Variants in RFX4 observed in about 807,000 individuals in gnomAD.
The protein encoded by RFX4 is transcription factor RFX4.
RFX4 carries 10 observed loss-of-function variants against 95.0 expected under a neutral mutation model. The observed-to-expected ratio is 0.11, with a 90% CI of 0.06 to 0.18. The LOEUF is 0.18. Ranked by LOEUF, RFX4 falls within the 10% of genes least tolerant of loss-of-function variation. The pLI, the probability that RFX4 is intolerant of heterozygous loss-of-function variation, is 1.00. For missense variants in RFX4, 640 were observed against 922.0 expected, an observed-to-expected ratio of 0.69 and a Z score of 3.96; for synonymous variants, 321 against 340.7, an observed-to-expected ratio of 0.94 and a Z score of 0.64.
At chr12:106,733,902 G>A (rs1343184379) in intron 15 of RFX4, among the ~76,000 whole-genome samples, 2 of 152,178 alleles carry the variant, frequency 1.3e-5, no homozygotes, top group African/African-American at 4.8e-5. Flanking sequence ...TCTCACAATA[G>A]CCAAAAGGCA....
intron 13 of RFX4, among the ~76,000 whole-genome samples, chr12:106,731,406 G>A (rs2042609428): frequency 6.6e-6 from 1 of 152,170 alleles, no homozygotes; most frequent in South Asian, 2.1e-4. Flanking sequence ...TTAAATTAGA[G>A]AAGATAAGAC....
chr12:106,743,174 T>C (rs1234118584), intron 15 of RFX4, among the ~76,000 whole-genome samples: 2 of 151,690 alleles, frequency 1.3e-5, no homozygotes, highest in African/African-American at 4.8e-5. Flanking sequence ...AATAGAAATG[T>C]GAGGAGGGGA....
At chr12:106,585,327 C>T (rs544321120) in intron 1 of RFX4, among the ~76,000 whole-genome samples, 36 of 152,338 alleles carry the variant, frequency 2.4e-4, no homozygotes, top group African/African-American at 7.0e-4. Context: ...CTCTTCACCT[C>T]AACTGCAAAC....
intron 17 of RFX4, among the ~76,000 whole-genome samples, chr12:106,760,517 C>T (rs1006813418): frequency 2.0e-5 from 3 of 152,194 alleles, no homozygotes; most frequent in African/African-American, 7.2e-5. Context: ...TTGACTCCTT[C>T]CTCCACATTC....
At chr12:106,702,179 GTTGA>G (rs1332097271) in intron 8 of RFX4, among the ~76,000 whole-genome samples, 1 of 152,074 alleles carries the variant, frequency 6.6e-6, no homozygotes, top group Non-Finnish European at 1.5e-5. Flanking sequence ...GTCTGGTTAT[GTTGA>G]TTGTTTTGTT....
At chr12:106,746,355 CAAAAA>C (rs531874659) in intron 15 of RFX4, among the ~76,000 whole-genome samples, 1 of 67,282 alleles carries the variant, frequency 1.5e-5, no homozygotes. Flanking sequence ...GACTCCATCT[CAAAAA>C]AAAAAAAAAA....
intron 15 of RFX4, among the ~76,000 whole-genome samples, chr12:106,736,653 T>C (rs921804486): frequency 1.3e-5 from 2 of 152,136 alleles, no homozygotes; most frequent in Admixed American, 6.5e-5. Context: ...GAATAGCATG[T>C]ACCCAGGCAG....
intron 3 of RFX4, chr12:106,646,085 G>A: frequency 5.7e-6 from 3 of 524,762 alleles, no homozygotes; most frequent in South Asian, 3.5e-5. Context: ...GGGCAATTTT[G>A]CAATCCATTA....
chr12:106,615,084 T>TTATCTATC (rs1405854337), intron 2 of RFX4, among the ~76,000 whole-genome samples: 1 of 152,186 alleles, frequency 6.6e-6, no homozygotes, highest in African/African-American at 2.4e-5. Flanking sequence ...GAAGGTCTTT[T>TTATCTATC]TAACATATCA....
intron 15 of RFX4, 185 bp downstream of exon 15, chr12:106,733,270 G>C: frequency 1.7e-6 from 1 of 592,618 alleles, no homozygotes; most frequent in Non-Finnish European, 3.0e-6. Context: ...CAGGAGCTAC[G>C]ATCGCACCAC....
chr12:106,682,324 G>A (rs2041531443), intron 5 of RFX4: 1 of 502,494 alleles, frequency 2.0e-6, no homozygotes, highest in Non-Finnish European at 3.6e-6. Context: ...TTGTAAAATA[G>A]TCTTGGGCAT....
At position 106,743,822 on chromosome 12, in the gene RFX4, C is replaced by T. The variant is rs188897939; in HGVS notation, c.1634-3615C>T. Among the ~76,000 whole-genome samples, 35 of 152,290 alleles carry T rather than the reference C, an allele frequency of 2.3e-4. 1 individual carries two copies. The East Asian group carries it at 6.0e-3, about 26-fold the overall frequency. On this transcript the variant is annotated intron_variant, in intron 15 of 17. Transcript: ENST00000392842. ...GCCCCGTTTCAATATCCATTGACCT[C>T]GCTGTGCTCGCCTGAGGTCCCAGAG...
intron 15 of RFX4, among the ~76,000 whole-genome samples, chr12:106,740,603 G>A (rs1033110105): frequency 5.3e-5 from 8 of 151,864 alleles, no homozygotes; most frequent in South Asian, 4.2e-4. Flanking sequence ...TATATATTTC[G>A]TGTCTAATTT....
At chr12:106,660,061 C>T (rs2041041417) in intron 4 of RFX4, among the ~76,000 whole-genome samples, 1 of 151,962 alleles carries the variant, frequency 6.6e-6, no homozygotes. Context: ...GTACTGTGAA[C>T]TCTGGGGTAC....
rs529272957 is a variant in RFX4 at position 106,713,979 on chromosome 12, A to T, written c.994-1421A>T. On this transcript the variant is annotated intron_variant, in intron 10 of 17. Coordinates refer to ENST00000392842, the MANE Select transcript of RFX4 (RefSeq NM_213594.3). The stretch of plus-strand genomic sequence containing the variant: ...CAGCTACTAGGGAGGCTGAGGCAGG[A>T]GAATCACTTGAACCCGGGAGGCAGA... 6.7e-5 allele frequency among the ~76,000 whole-genome samples: 10 copies of T among 149,810 alleles called. No homozygotes were observed. In the Admixed American group the frequency reaches 6.7e-4, roughly 10 times the overall value.
At chr12:106,692,067 G>T (rs1330718741) in intron 7 of RFX4, among the ~76,000 whole-genome samples, 2 of 151,240 alleles carry the variant, frequency 1.3e-5, no homozygotes, top group Non-Finnish European at 2.9e-5. Flanking sequence ...CGAGGCAGGA[G>T]AATCGCTTGA....
Position 106,690,298 on chromosome 12 carries a change from A to G in RFX4, c.669+934A>G, listed in dbSNP as rs114925975. 9.7e-3 allele frequency among the ~76,000 whole-genome samples: 1,484 copies of G among 152,294 alleles called. 8 individuals carry two copies. The highest frequency in any genetic ancestry group is 0.014 in the African/African-American group (588 of 41,546). ...TTCCTTCTCTTGACTTTTATCCACT[A>G]GACTTCTAAAATGTACTTTAAAATG... On this transcript the variant is annotated intron_variant, in intron 7 of 17. Coordinates refer to ENST00000392842, the MANE Select transcript of RFX4 (RefSeq NM_213594.3).
chr12:106,676,007 A>G (rs1352476186), intron 4 of RFX4, among the ~76,000 whole-genome samples: 2 of 152,210 alleles, frequency 1.3e-5, no homozygotes, highest in Admixed American at 6.5e-5. Context: ...AGCAGGGCCA[A>G]TGAGACTATG....
intron 2 of RFX4, among the ~76,000 whole-genome samples, chr12:106,625,933 A>G (rs1420467425): frequency 1.3e-5 from 2 of 152,224 alleles, no homozygotes; most frequent in Non-Finnish European, 2.9e-5. Flanking sequence ...ACTTTAATTT[A>G]GAGCTATCTG....
Sources: allele counts gnomAD v4.1 joint callset (sites outside exome capture counted in the v4.1 genomes callset), GRCh38; gene constraint gnomAD v4.1.1; transcripts MANE v1.5; gene names NCBI Gene and HGNC (gene_info 2026-07-23, HGNC 2026-07-21).